Variants in LIPC observed in about 807,000 individuals in gnomAD.
LIPC encodes the protein hepatic triacylglycerol lipase.
In LIPC, 44 loss-of-function variants were observed where a neutral mutation model predicts 50.7. That is an observed-to-expected ratio of 0.87 (90% CI 0.68 to 1.11). The LOEUF is 1.11. Among genes scored for constraint, LIPC ranks in the 50% most tolerant of loss-of-function variants. The pLI is 0.00. For missense variants in LIPC, 697 were observed against 648.2 expected (o/e 1.08, Z -0.82); for synonymous variants, 271 against 256.4 (o/e 1.06, Z -0.54).
intron 1 of LIPC, among the ~76,000 whole-genome samples, chr15:58,459,412 T>TTTC (rs1894256687): frequency 6.6e-6 from 1 of 151,756 alleles, no homozygotes; most frequent in African/African-American, 2.4e-5. Flanking sequence ...TTTTTTTTTT[T>TTTC]TGATGTCCCT....
chr15:58,542,888 T>C (rs1893385716), intron 4 of LIPC, among the ~76,000 whole-genome samples: 1 of 152,172 alleles, frequency 6.6e-6, no homozygotes, highest in Non-Finnish European at 1.5e-5. Flanking sequence ...AACGAATACC[T>C]CATGTTGGTG....
intron 1 of LIPC, among the ~76,000 whole-genome samples, chr15:58,536,322 G>A (rs1172888234): frequency 6.6e-6 from 1 of 152,100 alleles, no homozygotes; most frequent in East Asian, 1.9e-4. Flanking sequence ...GGGGATGAGG[G>A]ATCATCACTC....
chr15:58,458,333 T>C (rs899136032), intron 1 of LIPC, among the ~76,000 whole-genome samples: 3 of 152,212 alleles, frequency 2.0e-5, no homozygotes, highest in Non-Finnish European at 4.4e-5. Flanking sequence ...CTTATGCTAT[T>C]GTTAGACCAG....
Position 58,512,579 on chromosome 15 carries a change from C to T in LIPC, c.89-25754C>T, listed in dbSNP as rs147141863. On this transcript the variant is annotated intron_variant, in intron 1 of 8. Transcript: ENST00000299022. Reference sequence around the variant, plus strand: ...TCTGCGAGACTACCTGGAAAAGCCACGGGAATCACAGCCCACAGGGTGACA... The same window carrying T: ...TCTGCGAGACTACCTGGAAAAGCCATGGGAATCACAGCCCACAGGGTGACA... 3.4e-3 allele frequency among the ~76,000 whole-genome samples: 512 copies of T among 152,290 alleles called. 2 individuals carry two copies. The Middle Eastern group carries it at 0.041, about 12-fold the overall frequency.
At chr15:58,470,121 A>C (rs1894739868) in intron 1 of LIPC, among the ~76,000 whole-genome samples, 1 of 151,986 alleles carries the variant, frequency 6.6e-6, no homozygotes. Context: ...TTTTAGAGAT[A>C]AGGTTTCACC....
At chr15:58,519,313 A>G (rs1270555534) in intron 1 of LIPC, among the ~76,000 whole-genome samples, 1 of 151,994 alleles carries the variant, frequency 6.6e-6, no homozygotes, top group Non-Finnish European at 1.5e-5. Flanking sequence ...CGGGAGGCCA[A>G]AGCAGGAGAA....
intron 1 of LIPC, among the ~76,000 whole-genome samples, chr15:58,534,361 T>TAAGC (rs1893049196): frequency 6.6e-6 from 1 of 152,178 alleles, no homozygotes; most frequent in African/African-American, 2.4e-5. Flanking sequence ...GTTCTAGGAA[T>TAAGC]AAGCGACAGA....
intron 6 of LIPC, among the ~76,000 whole-genome samples, chr15:58,551,641 C>G (rs772107217): frequency 1.3e-5 from 2 of 152,192 alleles, no homozygotes; most frequent in African/African-American, 4.8e-5. Context: ...CTTGGGCCCC[C>G]AAAGCCTATT....
rs1384083776 is a variant in LIPC, at chr15:58,515,412, T to C, written c.89-22921T>C. On this transcript the variant is annotated intron_variant, in intron 1 of 8. Coordinates refer to ENST00000299022, the MANE Select transcript of LIPC (RefSeq NM_000236.3). ...TCATTTCTTTACTCAGCAAATACCA[T>C]AGAGCAGCTACTATGTGCAGGGCAC... 3.3e-5 allele frequency among the ~76,000 whole-genome samples: 5 copies of C among 152,146 alleles called. No homozygotes were observed. In the East Asian group the frequency reaches 5.8e-4, roughly 18 times the overall value.
chr15:58,509,150 C>T (rs1256959794), intron 1 of LIPC, among the ~76,000 whole-genome samples: 1 of 152,188 alleles, frequency 6.6e-6, no homozygotes, highest in East Asian at 1.9e-4. Flanking sequence ...ACACATTCTC[C>T]TCAGTGTTGT....
chr15:58,438,918 G>A (rs1893406850), intron 1 of LIPC, among the ~76,000 whole-genome samples: 2 of 152,232 alleles, frequency 1.3e-5, no homozygotes, highest in Non-Finnish European at 2.9e-5. Context: ...TTGGCTAGGG[G>A]TGGGGAGGCA....
Position 58,513,833 on chromosome 15 carries a change from T to C in LIPC, c.89-24500T>C, listed in dbSNP as rs1447166238. 2.6e-5 allele frequency among the ~76,000 whole-genome samples: 4 copies of C among 152,184 alleles called. No individual in the cohort carries two copies. In the South Asian group the frequency reaches 6.2e-4, roughly 24 times the overall value. Reference sequence around the variant, plus strand: ...CTGAGAACCCCAGGACTCCTCACCATGCACATTTCTCTTGGGTGTGGTGGG... The same window carrying C: ...CTGAGAACCCCAGGACTCCTCACCACGCACATTTCTCTTGGGTGTGGTGGG... On this transcript the variant is annotated intron_variant, in intron 1 of 8. Transcript: ENST00000299022.
At chr15:58,515,166 A>C (rs567899540) in intron 1 of LIPC, among the ~76,000 whole-genome samples, 2 of 152,250 alleles carry the variant, frequency 1.3e-5, no homozygotes, top group East Asian at 3.9e-4. Context: ...GGGCCCATTC[A>C]AAGAAACAAG....
chr15:58,505,911 CCAGTA>C (rs61157757), intron 1 of LIPC, among the ~76,000 whole-genome samples: 113,324 of 151,414 alleles, frequency 0.75, 42,467 homozygotes, highest in Middle Eastern at 0.82. Context: ...TACCATACAG[CCAGTA>C]CCCGCGAGCT....
intron 1 of LIPC, among the ~76,000 whole-genome samples, chr15:58,452,812 G>T (rs1200318595): frequency 4.6e-5 from 7 of 152,228 alleles, no homozygotes; most frequent in African/African-American, 1.7e-4. Context: ...CCATGGGACT[G>T]GGAGCTGGTA....
chr15:58,538,707 T>C (rs944611810), intron 2 of LIPC, among the ~76,000 whole-genome samples, 190 bp downstream of exon 2: 4 of 152,174 alleles, frequency 2.6e-5, no homozygotes, highest in South Asian at 2.1e-4. Flanking sequence ...ATTCCATGAG[T>C]AAGCAGCGTG....
chr15:58,441,845 G>A lies in LIPC; in HGVS notation c.88+9725G>A, dbSNP rs530899294. Among the ~76,000 whole-genome samples, 5 of 152,328 alleles carry A rather than the reference G, an allele frequency of 3.3e-5. No individual in the cohort carries two copies. The South Asian group carries it at 8.3e-4, about 25-fold the overall frequency. On this transcript the variant is annotated intron_variant, in intron 1 of 8. Transcript: ENST00000299022. The stretch of plus-strand genomic sequence containing the variant: ...CACAAGTCATTCCTGTTAGTCAGAA[G>A]AGGGAAATGTTTAGTCATGTTTTTT...
intron 1 of LIPC, among the ~76,000 whole-genome samples, chr15:58,442,139 A>T (rs1369443340): frequency 6.6e-6 from 1 of 152,168 alleles, no homozygotes; most frequent in Non-Finnish European, 1.5e-5. Flanking sequence ...CTGATCTCTC[A>T]GGAGTAATAG....
chr15:58,475,597 T>C (rs1440612625), intron 1 of LIPC, among the ~76,000 whole-genome samples: 1 of 152,232 alleles, frequency 6.6e-6, no homozygotes, highest in Admixed American at 6.5e-5. Context: ...CACTTACCCC[T>C]GTGCTCAGGC....
Sources: allele counts gnomAD v4.1 joint callset (sites outside exome capture counted in the v4.1 genomes callset), GRCh38; gene constraint gnomAD v4.1.1; transcripts MANE v1.5; gene names NCBI Gene and HGNC (gene_info 2026-07-23, HGNC 2026-07-21).